DPY19L4: variants seen among roughly 807,000 people sequenced by gnomAD.
The protein encoded by DPY19L4 is dpy-19 like 4, also known as probable C-mannosyltransferase DPY19L4.
In DPY19L4, 97 loss-of-function variants were observed where a neutral mutation model predicts 102.8. That is an observed-to-expected ratio of 0.94 (90% confidence interval 0.80 to 1.12). The LOEUF (loss-of-function observed/expected upper bound fraction) is 1.12. DPY19L4 is among the 50% of genes most tolerant of loss of function. DPY19L4 has a pLI of 0.00. For synonymous variants in DPY19L4, 252 were observed against 283.1 expected, an observed-to-expected ratio of 0.89 and a Z score of 1.10; for missense variants, 815 against 850.4, an observed-to-expected ratio of 0.96 and a Z score of 0.52.
At chr8:94,725,396 T>C (rs941824278) in intron 1 of DPY19L4, among the ~76,000 whole-genome samples, 2 of 152,230 alleles carry the variant, frequency 1.3e-5, no homozygotes, top group Admixed American at 1.3e-4. Context: ...TTTAGTTTAC[T>C]AGTTTGGAGG....
At chr8:94,782,647 A>G (rs1446208241) in intron 16 of DPY19L4, among the ~76,000 whole-genome samples, 1 of 151,996 alleles carries the variant, frequency 6.6e-6, no homozygotes, top group Non-Finnish European at 1.5e-5. Context: ...AAAAAAGACA[A>G]AAAGTGTTTC....
intron 10 of DPY19L4, among the ~76,000 whole-genome samples, 172 bp from the exon 11 acceptor site, chr8:94,766,440 T>TG (rs1812677228): frequency 6.6e-6 from 1 of 152,264 alleles, no homozygotes; most frequent in East Asian, 1.9e-4. Context: ...CATAAGGTCA[T>TG]GGGATTGATT....
At chr8:94,732,879 C>G (rs187156398) in intron 2 of DPY19L4, among the ~76,000 whole-genome samples, 46 of 143,332 alleles carry the variant, frequency 3.2e-4, no homozygotes, top group Admixed American at 2.6e-3. Context: ...GTTGCCATCT[C>G]GGTTCACTAC....
chr8:94,748,953 G>T (rs1242732046), intron 6 of DPY19L4, among the ~76,000 whole-genome samples: 1 of 152,176 alleles, frequency 6.6e-6, no homozygotes, highest in Non-Finnish European at 1.5e-5. Context: ...AAAGAAAAAG[G>T]TTTAATGGAC....
In DPY19L4 at chr8:94,747,850, G is replaced by A. The variant is rs181134806; in HGVS notation, c.611+8060G>A. ...GCTGGGATAACAGGCGTGAGCCACC[G>A]CGCTGGGCCTATACTATGATGTTTC... is the stretch of plus-strand genomic sequence containing the variant. On this transcript the variant is annotated intron_variant, in intron 6 of 18. Transcript: ENST00000414645. Among the ~76,000 whole-genome samples the A allele has an allele frequency of 6.0e-4, 91 of 152,200 alleles. 1 individual carries two copies. Among genetic ancestry groups the A allele is most frequent in the Admixed American group, 1.4e-3 (22 of 15,274 alleles).
chr8:94,783,765 T>C lies in DPY19L4; in HGVS notation c.1811T>C (p.Leu604Pro), dbSNP rs200793864. Residue 604 changes from leucine (L) to proline (P), a missense_variant, in exon 17 of 19, where the codon CTT becomes CCT. Physicochemically the swap from Leu to Pro is moderately conservative, Grantham distance 98 (BLOSUM62 -3). Coordinates refer to ENST00000414645, the MANE Select transcript of DPY19L4 (RefSeq NM_181787.3). ...CTGWMVTSLP[L>P]YNDDDLLKRN... ...GGATGGATGGTGACAAGTTTGCCTC[T>C]TTACAATGATGATGATCTTCTCAAG... The C allele has an allele frequency of 6.2e-7, 1 of 1,614,138 alleles. No homozygotes were observed. Among genetic ancestry groups the C allele is most frequent in the Non-Finnish European group, 8.5e-7 (1 of 1,180,006 alleles).
At chr8:94,775,524 A>C (rs1227477159) in intron 13 of DPY19L4, among the ~76,000 whole-genome samples, 1 of 152,164 alleles carries the variant, frequency 6.6e-6, no homozygotes, top group Non-Finnish European at 1.5e-5. Flanking sequence ...ACAGGGTCTA[A>C]TTGTGTTGCC....
intron 7 of DPY19L4, among the ~76,000 whole-genome samples, chr8:94,759,214 CT>C (rs916833519): frequency 3.3e-5 from 5 of 152,132 alleles, no homozygotes; most frequent in African/African-American, 1.2e-4. Flanking sequence ...GGGTGGCTAG[CT>C]TTTATTCCCT....
intron 2 of DPY19L4, 24 bp from the exon 3 acceptor site, chr8:94,734,606 A>T: frequency 6.3e-7 from 1 of 1,598,216 alleles, no homozygotes; most frequent in Non-Finnish European, 8.5e-7. Flanking sequence ...TTACCTTTTC[A>T]TTACTTTTAA....
In DPY19L4 at chr8:94,767,066, TAA is replaced by T. The variant is rs772468464; in HGVS notation, c.1175+399_1175+400del. Among the ~76,000 whole-genome samples the T allele has an allele frequency of 2.8e-3, 324 of 116,596 alleles. 1 individual carries two copies. The highest frequency in any genetic ancestry group is 8.3e-3 in the African/African-American group (264 of 31,648). 76.5% of individuals were successfully genotyped at this position (116,596 alleles called of 152,430 possible). A position where few individuals can be genotyped will look rare whatever the true frequency, so the allele number is the denominator to read the frequency against. On this transcript the variant is annotated intron_variant, in intron 11 of 18. Transcript: ENST00000414645. ...GCCTGGGCAACGGTGAGACCCTGTC[TAA>T]AAAAAAAAAAAAAAAAATACCACTT...
intron 6 of DPY19L4, among the ~76,000 whole-genome samples, chr8:94,749,807 A>G (rs1434729108): frequency 1.3e-5 from 2 of 152,228 alleles, no homozygotes; most frequent in African/African-American, 2.4e-5. Context: ...TCTATTCCCT[A>G]CAGAAGACAT....
At chr8:94,783,900 T>G (rs1305919463) in intron 17 of DPY19L4, 98 bp downstream of exon 17, 21 of 1,347,890 alleles carry the variant, frequency 1.6e-5, no homozygotes, top group Non-Finnish European at 2.1e-5. Context: ...GCTAGGAAAG[T>G]CCAAACAATT....
At position 94,734,894 on chromosome 8, in the gene DPY19L4, A is replaced by C. The variant is rs1258982906; in HGVS notation, c.252+140A>C. 7.8e-6 allele frequency: 9 copies of C among 1,152,204 alleles called. No individual in the cohort carries two copies. The East Asian group carries it at 2.3e-4, about 29-fold the overall frequency. The allele number at this position is 1,152,204 out of a possible 1,614,324, so 71.4% of individuals were successfully genotyped here. ...CAGAAGCTGTTTTGAGAATATAGTT[A>C]CAGTATCAACCTTAAAATACTAATA... On this transcript the variant is annotated intron_variant, in intron 3 of 18. Coordinates refer to ENST00000414645, the MANE Select transcript of DPY19L4 (RefSeq NM_181787.3).
At chr8:94,755,753 C>T (rs375038094) in intron 6 of DPY19L4, among the ~76,000 whole-genome samples, 16 of 152,196 alleles carry the variant, frequency 1.1e-4, no homozygotes, top group African/African-American at 3.1e-4. Flanking sequence ...GGTGTGGTGA[C>T]GCGCGCCTGT....
Position 94,757,828 on chromosome 8 carries a change from C to T in DPY19L4, c.735+1669C>T, listed in dbSNP as rs550914753. The stretch of plus-strand genomic sequence containing the variant: ...TTAAGTAAAAGAGTTTCATATAGGC[C>T]GGGTGTGGTGGCTCACACCTATAAT... On this transcript the variant is annotated intron_variant, in intron 7 of 18. Coordinates refer to ENST00000414645, the MANE Select transcript of DPY19L4 (RefSeq NM_181787.3). Among the ~76,000 whole-genome samples, 4 of 151,828 alleles carry T rather than the reference C, an allele frequency of 2.6e-5. No individual in the cohort carries two copies. In the East Asian group the frequency reaches 7.8e-4, roughly 30 times the overall value.
chr8:94,734,658 T>C lies in DPY19L4; in HGVS notation c.156T>C (p.Ile52=), dbSNP rs200930598. Residue 52 remains isoleucine, a synonymous_variant, in exon 3 of 19, where the codon ATT becomes ATC. Transcript: ENST00000414645. ...KHVLFQRFAK[I]FIGCLAAVTS... ...TATTATTTCAACGCTTTGCAAAGAT[T>C]TTCATTGGCTGTCTTGCAGCGGTTA... 9.3e-6 allele frequency: 15 copies of C among 1,614,016 alleles called. No individual in the cohort carries two copies. In the East Asian group the frequency reaches 3.3e-4, roughly 36 times the overall value.
chr8:94,785,123 T>C (rs898349954), intron 17 of DPY19L4, among the ~76,000 whole-genome samples: 7 of 152,212 alleles, frequency 4.6e-5, no homozygotes, highest in Non-Finnish European at 8.8e-5. Flanking sequence ...AGCTCTGCTG[T>C]GTATTAGCTT....
At chr8:94,761,579 C>A in intron 7 of DPY19L4, 121 bp from the exon 8 acceptor site, 14 of 889,734 alleles carry the variant, frequency 1.6e-5, no homozygotes, top group East Asian at 3.4e-5. Flanking sequence ...AACAAAGTTT[C>A]AATAATTATA....
chr8:94,774,651 C>T (rs1813090880), intron 13 of DPY19L4, among the ~76,000 whole-genome samples: 1 of 149,964 alleles, frequency 6.7e-6, no homozygotes, highest in Non-Finnish European at 1.5e-5. Flanking sequence ...GATCTTGGCT[C>T]ACCGCAACCT....
Sources: allele counts gnomAD v4.1 joint callset (sites outside exome capture counted in the v4.1 genomes callset), GRCh38; gene constraint gnomAD v4.1.1; transcripts MANE v1.5; gene names NCBI Gene and HGNC (gene_info 2026-07-23, HGNC 2026-07-21).